RTL4: variants seen among roughly 807,000 people sequenced by gnomAD.
RTL4 encodes the protein retrotransposon Gag like 4.
RTL4 carries 4 observed loss-of-function variants against 5.3 expected under a neutral mutation model. The ratio of observed to expected loss-of-function variants is 0.75; its 90% confidence interval spans 0.37 to 1.72. The LOEUF is 1.72. RTL4 is among the 40% of genes most tolerant of loss of function. The probability of loss-of-function intolerance (pLI) is 0.04; values close to 1 mark genes in which losing one functional copy is unlikely to be tolerated. For synonymous variants in RTL4, 98 were observed against 87.3 expected, an observed-to-expected ratio of 1.12 and a Z score of -0.68; for missense variants, 260 against 227.1, an observed-to-expected ratio of 1.14 and a Z score of -0.93.
the RTL4 span, among the ~76,000 whole-genome samples, chrX:112,186,555 A>G: frequency 8.9e-6 from 1 of 112,026 alleles, no homozygotes; most frequent in Non-Finnish European, 1.9e-5. Context: ...CAGAAAGAAA[A>G]CGGGAAAAAC....
the RTL4 span, among the ~76,000 whole-genome samples, chrX:112,429,160 G>A: frequency 9.0e-6 from 1 of 111,233 alleles, no homozygotes; most frequent in African/African-American, 3.3e-5. Context: ...TCATTGACAT[G>A]GTTGGATTAA....
At chrX:112,299,714 G>T in the RTL4 span, among the ~76,000 whole-genome samples, 2,717 of 111,712 alleles carry the variant, frequency 0.024, 88 homozygotes, top group African/African-American at 0.082. Context: ...GTTGCCTCCT[G>T]GGCTTTCCCA....
At chrX:112,436,272 T>A in the RTL4 span, among the ~76,000 whole-genome samples, 1 of 111,396 alleles carries the variant, frequency 9.0e-6, no homozygotes, top group Non-Finnish European at 1.9e-5. Flanking sequence ...TAACGAACTT[T>A]GTTTCATTTC....
chrX:112,353,690 T>A, the RTL4 span, among the ~76,000 whole-genome samples: 1 of 109,218 alleles, frequency 9.2e-6, no homozygotes, highest in African/African-American at 3.3e-5. Context: ...TTGTGGGGTA[T>A]GGGGAGTGGG....
At chrX:112,162,174 TAATGACAATAAC>T in the RTL4 span, among the ~76,000 whole-genome samples, 2 of 110,044 alleles carry the variant, frequency 1.8e-5, no homozygotes, top group Non-Finnish European at 3.8e-5. Flanking sequence ...AAACCTAGTT[TAATGACAATAAC>T]AACAACAATA....
the RTL4 span, among the ~76,000 whole-genome samples, chrX:112,142,486 C>A: frequency 8.9e-6 from 1 of 112,025 alleles, no homozygotes; most frequent in East Asian, 2.8e-4. Flanking sequence ...TATCTGGAAC[C>A]ATCTCCTTCT....
chrX:112,434,709 C>G, the RTL4 span, among the ~76,000 whole-genome samples: 1 of 111,151 alleles, frequency 9.0e-6, no homozygotes, highest in Non-Finnish European at 1.9e-5. Flanking sequence ...AGCTTCTTAC[C>G]TGCTGGACCA....
At chrX:112,234,548 C>G in the RTL4 span, among the ~76,000 whole-genome samples, 2 of 111,694 alleles carry the variant, frequency 1.8e-5, no homozygotes, top group Non-Finnish European at 3.8e-5. Flanking sequence ...AACTAGTGGT[C>G]GACTCGCCAA....
chrX:112,298,741 G>T, the RTL4 span, among the ~76,000 whole-genome samples: 2 of 112,627 alleles, frequency 1.8e-5, no homozygotes, highest in Admixed American at 1.9e-4. Context: ...CTGCCCTTTG[G>T]GGGTAGTGGG....
At chrX:112,258,093 A>G in the RTL4 span, among the ~76,000 whole-genome samples, 2 of 109,925 alleles carry the variant, frequency 1.8e-5, no homozygotes, top group African/African-American at 3.3e-5. Flanking sequence ...CTGTTTCTCT[A>G]TGGCTCAGCT....
chrX:112,148,374 T>C, the RTL4 span, among the ~76,000 whole-genome samples: 2 of 108,899 alleles, frequency 1.8e-5, no homozygotes, highest in Non-Finnish European at 3.8e-5. Flanking sequence ...GCTCCAGCTA[T>C]GCTAATGGAA....
chrX:112,128,244 A>G, the RTL4 span, among the ~76,000 whole-genome samples: 1 of 111,956 alleles, frequency 8.9e-6, no homozygotes, highest in African/African-American at 3.2e-5. Flanking sequence ...AATAGAATTG[A>G]GACTCCAGAA....
the RTL4 span, among the ~76,000 whole-genome samples, chrX:112,173,649 G>T: frequency 1.1e-4 from 12 of 110,522 alleles, no homozygotes; most frequent in African/African-American, 3.6e-4. Context: ...CGGGGAGTTT[G>T]CTTACCTTGA....
the RTL4 span, among the ~76,000 whole-genome samples, chrX:112,271,880 G>A: frequency 9.0e-6 from 1 of 111,421 alleles, no homozygotes; most frequent in Admixed American, 9.5e-5. Context: ...TCCTTTCTTT[G>A]TGTTACAAAC....
chrX:112,407,662 T>C, the RTL4 span, among the ~76,000 whole-genome samples: 2 of 111,903 alleles, frequency 1.8e-5, no homozygotes, highest in African/African-American at 6.5e-5. Context: ...TGAACACAAG[T>C]GGTAGGCAAA....
the RTL4 span, among the ~76,000 whole-genome samples, chrX:112,235,504 ACAG>A: frequency 8.9e-6 from 1 of 112,128 alleles, no homozygotes; most frequent in Admixed American, 9.5e-5. Flanking sequence ...TAGAGGCAGC[ACAG>A]GACTCTGACT....
At chrX:112,295,888 T>C in the RTL4 span, among the ~76,000 whole-genome samples, 1 of 112,540 alleles carries the variant, frequency 8.9e-6, no homozygotes, top group Non-Finnish European at 1.9e-5. Flanking sequence ...TACCCAAATG[T>C]CTCAGTTCCA....
the RTL4 span, among the ~76,000 whole-genome samples, chrX:112,157,585 G>T: frequency 7.2e-5 from 8 of 111,743 alleles, no homozygotes; most frequent in African/African-American, 2.6e-4. Flanking sequence ...TCATAGAAAG[G>T]TGCCATACAT....
chrX:112,327,450 T>A, the RTL4 span, among the ~76,000 whole-genome samples: 5 of 109,650 alleles, frequency 4.6e-5, no homozygotes, highest in African/African-American at 1.7e-4. Flanking sequence ...AAGGGAAGTT[T>A]AGAGAAAAAA....
Sources: allele counts gnomAD v4.1 joint callset (sites outside exome capture counted in the v4.1 genomes callset), GRCh38; gene constraint gnomAD v4.1.1; transcripts MANE v1.5; gene names NCBI Gene and HGNC (gene_info 2026-07-23, HGNC 2026-07-21).